Variants in STX10 observed in about 807,000 individuals in gnomAD.
The protein encoded by STX10 is syntaxin 10, also known as syntaxin-10.
In STX10, 35 loss-of-function variants were observed where a neutral mutation model predicts 34.1. That is an observed-to-expected ratio of 1.03 (90% confidence interval 0.78 to 1.36). The LOEUF (loss-of-function observed/expected upper bound fraction) is 1.36. Among genes scored for constraint, STX10 ranks in the 40% most tolerant of loss-of-function variants. The pLI, the probability that STX10 is intolerant of heterozygous loss-of-function variation, is 0.00. For missense variants in STX10, 361 were observed against 335.5 expected (o/e 1.08, Z -0.59); for synonymous variants, 155 against 132.9 (o/e 1.17, Z -1.15).
rs190070537 is a variant in STX10, at chr19:13,146,136, G to C, written c.364-741C>G. 7.5e-4 allele frequency among the ~76,000 whole-genome samples: 114 copies of C among 151,556 alleles called. 3 individuals are homozygous for C. The East Asian group carries it at 0.018, about 24-fold the overall frequency. On this transcript the variant is annotated intron_variant, in intron 4 of 7. Transcript: ENST00000587230. ...CGCTTGAACCTGGGGGGCGGTGGTT[G>C]CAGTGAGCTGAGATCGCACCACTGC... is the stretch of plus-strand genomic sequence containing the variant.
intron 4 of STX10, among the ~76,000 whole-genome samples, chr19:13,145,732 A>T (rs1210216167): frequency 6.6e-6 from 1 of 152,054 alleles, no homozygotes; most frequent in East Asian, 1.9e-4. Context: ...TCTACTAAAA[A>T]TACAAAAATT....
At chr19:13,147,400 G>A (rs1008176749) in intron 4 of STX10, among the ~76,000 whole-genome samples, 2 of 151,824 alleles carry the variant, frequency 1.3e-5, no homozygotes, top group African/African-American at 2.4e-5. Flanking sequence ...GGAAGGTGGA[G>A]GTTTCAGTGA....
At chr19:13,145,962 G>A (rs1333760296) in intron 4 of STX10, among the ~76,000 whole-genome samples, 5 of 148,562 alleles carry the variant, frequency 3.4e-5, no homozygotes, top group Non-Finnish European at 3.0e-5. Context: ...GGAGGCTGAG[G>A]TTGCAGTGAG....
intron 4 of STX10, among the ~76,000 whole-genome samples, chr19:13,147,166 A>T (rs1277482860): frequency 6.6e-6 from 1 of 151,810 alleles, no homozygotes; most frequent in African/African-American, 2.4e-5. Flanking sequence ...AGGGGGGAAA[A>T]TGCAGATACA....
intron 4 of STX10, among the ~76,000 whole-genome samples, chr19:13,146,966 C>T (rs796468143): frequency 2.0e-5 from 3 of 151,756 alleles, no homozygotes; most frequent in South Asian, 2.1e-4. Flanking sequence ...CCCGACCCCA[C>T]GTACGCTTAT....
In STX10 at chr19:13,150,231, T is replaced by C. The variant is rs892876105; in HGVS notation, c.-58A>G. On this transcript the variant is annotated 5_prime_UTR_variant, in exon 1 of 8. Coordinates refer to ENST00000587230, the MANE Select transcript of STX10 (RefSeq NM_003765.3). The surrounding 1 kb of genome is among the most constrained non-coding windows in gnomAD (Gnocchi z 4.0). ...TCCCGGCCTGGGTTCGCGGGCTGGT[T>C]CCCTCCCAACCGAGGAGAACGCGCC... 2.7e-6 allele frequency: 2 copies of C among 732,704 alleles called. No individual in the cohort carries two copies. The highest frequency in any genetic ancestry group is 4.2e-5 in the Admixed American group (2 of 48,096). The allele number at this position is 732,704 out of a possible 1,614,324, so 45.4% of individuals were successfully genotyped here.
chr19:13,144,298 C>G lies in STX10; in HGVS notation c.*112G>C. 1 of 1,448,644 alleles carries G rather than the reference C, an allele frequency of 6.9e-7. No homozygotes were observed. 89.7% of individuals were successfully genotyped at this position (1,448,644 alleles called of 1,614,324 possible). A position where few individuals can be genotyped will look rare whatever the true frequency, so the allele number is the denominator to read the frequency against. On this transcript the variant is annotated 3_prime_UTR_variant, in exon 8 of 8. Coordinates refer to ENST00000587230, the MANE Select transcript of STX10 (RefSeq NM_003765.3). ...GGGACAGCTCCCCAGGCGGGACCCT[C>G]TACTCTCCAGCTACCCAGGAGGGAC...
Position 13,150,077 on chromosome 19 carries a change from C to A in STX10, c.35+62G>T, listed in dbSNP as rs760341949. The A allele has an allele frequency of 4.1e-5, 46 of 1,119,810 alleles. No individual in the cohort carries two copies. Among genetic ancestry groups the A allele is most frequent in the Non-Finnish European group, 5.7e-5 (43 of 751,230 alleles). The allele number at this position is 1,119,810 out of a possible 1,614,324, so 69.4% of individuals were successfully genotyped here. On this transcript the variant is annotated intron_variant, in intron 1 of 7. Coordinates refer to ENST00000587230, the MANE Select transcript of STX10 (RefSeq NM_003765.3). The surrounding 1 kb of genome is among the most constrained non-coding windows in gnomAD (Gnocchi z 4.0). ...CCCGCCGGGCACGCTGGGGCCGGCACCCGGGCACTGGCTGGCTTGGGTACA... is the reference window on the plus strand; with the variant it reads ...CCCGCCGGGCACGCTGGGGCCGGCAACCGGGCACTGGCTGGCTTGGGTACA...
At chr19:13,147,239 C>T (rs549548455) in intron 4 of STX10, among the ~76,000 whole-genome samples, 29 of 152,008 alleles carry the variant, frequency 1.9e-4, no homozygotes, top group Admixed American at 3.3e-4. Context: ...AAGGCGGGGG[C>T]GGATCACCTG....
Position 13,150,116 on chromosome 19 carries a change from C to T in STX10, c.35+23G>A. The T allele has an allele frequency of 8.8e-7, 1 of 1,134,292 alleles. No individual in the cohort carries two copies. The highest frequency in any genetic ancestry group is 2.5e-5 in the East Asian group (1 of 39,670). 70.3% of individuals were successfully genotyped at this position (1,134,292 alleles called of 1,614,324 possible). On this transcript the variant is annotated intron_variant, in intron 1 of 7. Transcript: ENST00000587230. This position sits in a 1 kb window ranked among gnomAD's most constrained non-coding sequence, Gnocchi z 4.0. ...GGCTTGGGTACAGAGCACCCTCCGC[C>T]CTCCCCCGTCGTTGTCACTCACCCT...
rs1368861684 is a variant in STX10, at chr19:13,144,086, T to G, written c.*324A>C. The G allele has an allele frequency of 7.6e-6, 3 of 392,748 alleles. No individual in the cohort carries two copies. Among genetic ancestry groups the G allele is most frequent in the African/African-American group, 4.0e-5 (2 of 50,558 alleles). The allele number at this position is 392,748 out of a possible 1,614,324, so 24.3% of individuals were successfully genotyped here. The stretch of plus-strand genomic sequence containing the variant: ...GTATAAAAAAGGCTGACATTTTATT[T>G]CCAGGTTGGCACGTGTATAAGGCAC... On this transcript the variant is annotated 3_prime_UTR_variant, in exon 8 of 8. Transcript: ENST00000587230.
In STX10 at chr19:13,144,658, A is replaced by C; in HGVS notation, c.592T>G (p.Phe198Val). The change falls in exon 7 of 8, where the codon TTC (phenylalanine) becomes GTC (valine). Residue 198 changes from phenylalanine to valine, a missense_variant. By Grantham distance (50) the Phe-to-Val change is conservative. Transcript: ENST00000587230. ...LDEQGIMLDA[F>V]AQEMDHTQSR... is the part of the protein sequence containing the mutation. The stretch of plus-strand genomic sequence containing the variant: ...TGGGTGTGGTCCATCTCTTGGGCGA[A>C]GGCATCCAGCATGCTGCCAAGAACA... 2 of 1,614,096 alleles carry C rather than the reference A, an allele frequency of 1.2e-6. No individual in the cohort carries two copies. The highest frequency in any genetic ancestry group is 1.7e-6 in the Non-Finnish European group (2 of 1,180,008).
intron 4 of STX10, among the ~76,000 whole-genome samples, chr19:13,147,893 C>CA (rs1159793123): frequency 0.46 from 25,170 of 54,452 alleles, 5,902 homozygotes; most frequent in East Asian, 0.72. Flanking sequence ...CACTCCGTCT[C>CA]AAAAAAAAAA....
At chr19:13,148,333 G>T (rs976387222) in intron 4 of STX10, among the ~76,000 whole-genome samples, 15 of 151,398 alleles carry the variant, frequency 9.9e-5, no homozygotes, top group African/African-American at 3.4e-4. Context: ...GAGAAACCCC[G>T]TCTCTACTAA....
At chr19:13,149,147 C>G in intron 3 of STX10, 56 bp from the exon 4 acceptor site, 1 of 1,487,100 alleles carries the variant, frequency 6.7e-7, no homozygotes, top group Non-Finnish European at 9.2e-7. Flanking sequence ...CGCGGTGGCT[C>G]ACGCCTGTAA....
intron 4 of STX10, among the ~76,000 whole-genome samples, chr19:13,147,079 A>AC (rs2019915849): frequency 1.4e-5 from 2 of 145,142 alleles, no homozygotes; most frequent in African/African-American, 2.5e-5. Flanking sequence ...GAAACACAGA[A>AC]ACACACACAC....
intron 4 of STX10, among the ~76,000 whole-genome samples, chr19:13,148,600 A>G (rs1449766355): frequency 6.6e-6 from 1 of 152,048 alleles, no homozygotes; most frequent in African/African-American, 2.4e-5. Flanking sequence ...GAATCGCTTG[A>G]ACCCAGGAGG....
At chr19:13,149,623 A>G (rs1481768607) in intron 2 of STX10, 30 bp from the exon 3 acceptor site, 2 of 1,613,312 alleles carry the variant, frequency 1.2e-6, no homozygotes, top group Non-Finnish European at 1.7e-6. Flanking sequence ...TCAAGGCCGG[A>G]GCCAGATATC....
At position 13,149,796 on chromosome 19, in the gene STX10, G is replaced by A. The variant is rs962522392; in HGVS notation, c.137C>T (p.Thr46Met). Residue 46 changes from threonine (T) to methionine (M), a missense_variant, in exon 2 of 8, where the codon ACG becomes ATG. By Grantham distance (81) the Thr-to-Met change is moderately conservative. Transcript: ENST00000587230. Reference sequence around the variant, plus strand: ...CAGGCCATTCCGCAGCTCATTGGTCGTCCAGTCCAGCTCCTCGCGTCCGAC... The same window carrying A: ...CAGGCCATTCCGCAGCTCATTGGTCATCCAGTCCAGCTCCTCGCGTCCGAC... ...AAVGREELDWTTNELRNGLRS... is the reference protein window; with the variant it reads ...AAVGREELDWMTNELRNGLRS... The A allele has an allele frequency of 1.2e-6, 2 of 1,614,046 alleles. No individual in the cohort carries two copies. The highest frequency in any genetic ancestry group is 8.5e-7 in the Non-Finnish European group (1 of 1,180,028).
Sources: allele counts gnomAD v4.1 joint callset (sites outside exome capture counted in the v4.1 genomes callset), GRCh38; gene constraint gnomAD v4.1.1; non-coding constraint Gnocchi (gnomAD v3.1); transcripts MANE v1.5; gene names NCBI Gene and HGNC (gene_info 2026-07-23, HGNC 2026-07-21).